Variants in GDPD4 observed in about 807,000 individuals in gnomAD.
The protein encoded by GDPD4 is glycerophosphodiester phosphodiesterase domain containing 4.
GDPD4 carries 60 observed loss-of-function variants against 67.8 expected under a neutral mutation model. That is an observed-to-expected ratio of 0.88 (90% CI 0.72 to 1.10). GDPD4 has a LOEUF of 1.10. GDPD4 is among the 50% of genes least tolerant of loss of function. GDPD4 has a pLI of 0.00. For missense variants in GDPD4, 623 were observed against 613.9 expected, an observed-to-expected ratio of 1.01 and a Z score of -0.16; for synonymous variants, 212 against 210.9, an observed-to-expected ratio of 1.00 and a Z score of -0.04.
intron 11 of GDPD4, among the ~76,000 whole-genome samples, chr11:77,249,557 C>T (rs1273167507): frequency 6.6e-6 from 1 of 152,130 alleles, no homozygotes; most frequent in African/African-American, 2.4e-5. Context: ...GGTGAGGACA[C>T]AGGGCAAACT....
chr11:77,242,581 T>C (rs1012949855), intron 13 of GDPD4, among the ~76,000 whole-genome samples: 6 of 152,024 alleles, frequency 3.9e-5, no homozygotes, highest in African/African-American at 9.7e-5. Flanking sequence ...AACATATAAC[T>C]TGACACATAA....
At chr11:77,273,026 A>G (rs1959290973) in intron 5 of GDPD4, among the ~76,000 whole-genome samples, 1 of 152,154 alleles carries the variant, frequency 6.6e-6, no homozygotes, top group Non-Finnish European at 1.5e-5. Flanking sequence ...ATGAACCTAT[A>G]TATTCCAGGT....
intron 1 of GDPD4, among the ~76,000 whole-genome samples, chr11:77,292,121 C>CA (rs3051013): frequency 1.1e-3 from 159 of 149,278 alleles, no homozygotes; most frequent in East Asian, 2.2e-3. Flanking sequence ...TGCAAAATGA[C>CA]AAAAAAAAAC....
chr11:77,266,046 A>C (rs1172747893), intron 10 of GDPD4, among the ~76,000 whole-genome samples: 3 of 152,188 alleles, frequency 2.0e-5, no homozygotes, highest in Non-Finnish European at 4.4e-5. Context: ...CAGTTTATTT[A>C]ATCATTAAAC....
chr11:77,253,864 G>A lies in GDPD4; in HGVS notation c.864+4522C>T, dbSNP rs113282070. Among the ~76,000 whole-genome samples, 522 of 152,218 alleles carry A rather than the reference G, an allele frequency of 3.4e-3. 1 individual carries two copies. The highest frequency in any genetic ancestry group is 0.011 in the African/African-American group (474 of 41,534). On this transcript the variant is annotated intron_variant, in intron 11 of 16. Transcript: ENST00000315938. Reference sequence around the variant, plus strand: ...GATGGAGCTGTTCTGCCAAAGCACCGTATCCCCAGGAAAGGGCACACAGCT... The same window carrying A: ...GATGGAGCTGTTCTGCCAAAGCACCATATCCCCAGGAAAGGGCACACAGCT...
intron 16 of GDPD4, among the ~76,000 whole-genome samples, chr11:77,222,671 CT>C (rs919262375): frequency 2.6e-5 from 4 of 152,106 alleles, no homozygotes; most frequent in Non-Finnish European, 5.9e-5. Flanking sequence ...ACATTTTTTC[CT>C]TCATTTCAAC....
intron 14 of GDPD4, among the ~76,000 whole-genome samples, chr11:77,229,962 C>A (rs778003273): frequency 2.6e-4 from 39 of 152,138 alleles, no homozygotes; most frequent in Non-Finnish European, 5.0e-4. Context: ...CACATTTTAT[C>A]CTTTCTCAGA....
intron 13 of GDPD4, among the ~76,000 whole-genome samples, chr11:77,234,289 G>A (rs965327698): frequency 2.8e-4 from 42 of 152,030 alleles, no homozygotes; most frequent in African/African-American, 9.9e-4. Context: ...ATAAAATTAG[G>A]AAAAAATAGT....
At chr11:77,282,127 A>G (rs1053992591) in intron 3 of GDPD4, among the ~76,000 whole-genome samples, 1 of 152,146 alleles carries the variant, frequency 6.6e-6, no homozygotes, top group Non-Finnish European at 1.5e-5. Flanking sequence ...TGAAGAAGTT[A>G]TAAGTATATG....
rs113343262 is a variant in GDPD4, at chr11:77,269,665, A to G, written c.478+218T>C. On this transcript the variant is annotated intron_variant, in intron 8 of 16. Transcript: ENST00000315938. ...AGTGTTGACTCATAATAGTTACTCT[A>G]TAAATATTAATCATTTGCTTCCCCC... Among the ~76,000 whole-genome samples, 541 of 152,232 alleles carry G rather than the reference A, an allele frequency of 3.6e-3. 1 individual carries two copies. The highest frequency in any genetic ancestry group is 0.012 in the African/African-American group (504 of 41,532).
chr11:77,289,309 G>A (rs182069569), intron 1 of GDPD4, among the ~76,000 whole-genome samples: 7 of 150,682 alleles, frequency 4.6e-5, no homozygotes, highest in Non-Finnish European at 7.4e-5. Context: ...GTTGCAGTGA[G>A]CCAAGATCGC....
intron 13 of GDPD4, among the ~76,000 whole-genome samples, chr11:77,234,083 A>G (rs1591534089): frequency 2.0e-5 from 3 of 152,162 alleles, no homozygotes; most frequent in Admixed American, 6.5e-5. Context: ...ATGGTATGGC[A>G]TATTGGAAAC....
intron 13 of GDPD4, among the ~76,000 whole-genome samples, chr11:77,242,274 T>C (rs181527578): frequency 2.0e-5 from 3 of 152,300 alleles, no homozygotes; most frequent in Non-Finnish European, 4.4e-5. Flanking sequence ...TTGTACCCTA[T>C]AAATATATAC....
intron 16 of GDPD4, among the ~76,000 whole-genome samples, chr11:77,223,039 C>T (rs1046116872): frequency 6.6e-6 from 1 of 152,166 alleles, no homozygotes; most frequent in African/African-American, 2.4e-5. Context: ...GCATGTGTCA[C>T]GTAGTTCTCA....
chr11:77,258,553 G>C lies in GDPD4; in HGVS notation c.708-11C>G. 1 of 1,613,442 alleles carries C rather than the reference G, an allele frequency of 6.2e-7. No homozygotes were observed. The highest frequency in any genetic ancestry group is 8.5e-7 in the Non-Finnish European group (1 of 1,179,446). On this transcript the variant is annotated splice_polypyrimidine_tract_variant and intron_variant, in intron 10 of 16. Transcript: ENST00000315938. Reference sequence around the variant, plus strand: ...GGCACATGATCATAACTGAGGCAGAGGTAGAAAAGAAGGGCAGGGGTAGAT... The same window carrying C: ...GGCACATGATCATAACTGAGGCAGACGTAGAAAAGAAGGGCAGGGGTAGAT...
chr11:77,253,210 A>C (rs2135853556), intron 11 of GDPD4, among the ~76,000 whole-genome samples: 1 of 152,298 alleles, frequency 6.6e-6, no homozygotes, highest in African/African-American at 2.4e-5. Context: ...ACTGACTCTA[A>C]GGAAGAAGGT....
rs1318684447 is a variant in GDPD4 at position 77,229,190 on chromosome 11, T to A, written c.1432A>T (p.Ile478Phe). 2.1e-5 allele frequency: 33 copies of A among 1,609,192 alleles called. No individual in the cohort carries two copies. Among genetic ancestry groups the A allele is most frequent in the Non-Finnish European group, 2.7e-5 (32 of 1,176,724 alleles). Reference protein sequence around the residue: ...YVFMWLLADIISVLFIVAIFC... With the variant: ...YVFMWLLADIFSVLFIVAIFC... Reference sequence around the variant, plus strand: ...ATGGCAACAATAAAAAGCACAGAAATGATATCTGCAAGGAGCCACATGAAC... The same window carrying A: ...ATGGCAACAATAAAAAGCACAGAAAAGATATCTGCAAGGAGCCACATGAAC... The change falls in exon 15 of 17, where the codon ATT becomes TTT. Residue 478 changes from isoleucine to phenylalanine, a missense_variant. Coordinates refer to ENST00000315938, the MANE Select transcript of GDPD4 (RefSeq NM_182833.3).
intron 3 of GDPD4, among the ~76,000 whole-genome samples, chr11:77,280,305 T>C (rs1324856549): frequency 6.6e-6 from 1 of 151,724 alleles, no homozygotes; most frequent in African/African-American, 2.4e-5. Context: ...ACAAAATAAA[T>C]ATATTTAAGA....
intron 5 of GDPD4, among the ~76,000 whole-genome samples, chr11:77,272,963 T>C (rs1959287793): frequency 6.6e-6 from 1 of 152,144 alleles, no homozygotes. Context: ...GGAGCATCAT[T>C]ATTTTATATT....
Sources: gnomAD v4.1 joint callset for allele counts (sites outside exome capture counted in the v4.1 genomes callset) on GRCh38, gnomAD v4.1.1 for gene constraint, MANE v1.5 for transcripts, NCBI Gene and HGNC (gene_info 2026-07-23, HGNC 2026-07-21) for gene names.